Variants in CPQ observed in about 807,000 individuals in gnomAD.
The protein encoded by CPQ is carboxypeptidase Q, also known as Ser-Met dipeptidase.
CPQ carries 37 observed loss-of-function variants against 45.7 expected under a neutral mutation model. The observed-to-expected ratio is 0.81, with a 90% CI of 0.62 to 1.07. The LOEUF (loss-of-function observed/expected upper bound fraction) is 1.07, where lower values mean the gene tolerates loss of function less well. Among genes scored for constraint, CPQ ranks in the 50% least tolerant of loss-of-function variants. The probability of loss-of-function intolerance (pLI) is 0.00; values close to 1 mark genes in which losing one functional copy is unlikely to be tolerated. For missense variants in CPQ, 537 were observed against 572.9 expected (o/e 0.94, Z 0.64); for synonymous variants, 186 against 205.8 (o/e 0.90, Z 0.82).
At chr8:96,717,024 AATATATATATATATAT>A (rs58338307) in intron 1 of CPQ, among the ~76,000 whole-genome samples, 1,609 of 56,548 alleles carry the variant, frequency 0.028, 47 homozygotes, top group Non-Finnish European at 0.029. Context: ...CCATGATATA[AATATATATATATATAT>A]ATATATATAT....
intron 3 of CPQ, among the ~76,000 whole-genome samples, chr8:96,852,548 C>T (rs993199662): frequency 1.3e-5 from 2 of 152,196 alleles, no homozygotes; most frequent in African/African-American, 2.4e-5. Context: ...TCCCATCTCG[C>T]CCTCTTCCTT....
At position 96,785,186 on chromosome 8, in the gene CPQ, C is replaced by A; in HGVS notation, c.289C>A (p.Gln97Lys). The A allele has an allele frequency of 6.2e-7, 1 of 1,613,568 alleles. No individual in the cohort carries two copies. Among genetic ancestry groups the A allele is most frequent in the Non-Finnish European group, 8.5e-7 (1 of 1,179,776 alleles). ...AIQIMYQNLQ[Q>K]DGLEKVHLEP... ...CCAAATTATGTACCAAAACCTGCAGCAAGATGGGCTGGAGAAAGTTCACCT... is the reference window on the plus strand; with the variant it reads ...CCAAATTATGTACCAAAACCTGCAGAAAGATGGGCTGGAGAAAGTTCACCT... The change falls in exon 2 of 8, where the codon CAA (glutamine) becomes AAA (lysine). Residue 97 changes from glutamine (Q) to lysine (K), a missense_variant. Coordinates refer to ENST00000220763, the MANE Select transcript of CPQ (RefSeq NM_016134.4).
chr8:96,991,008 G>T (rs1046511550), intron 5 of CPQ, among the ~76,000 whole-genome samples: 1 of 152,266 alleles, frequency 6.6e-6, no homozygotes, highest in African/African-American at 2.4e-5. Flanking sequence ...AATCTACTCA[G>T]TCTTTTCCCA....
At chr8:96,737,329 C>T (rs954652713) in intron 1 of CPQ, among the ~76,000 whole-genome samples, 39 of 100,894 alleles carry the variant, frequency 3.9e-4, no homozygotes, top group Middle Eastern at 6.0e-3. Context: ...TATATATATA[C>T]ACACACTCAC....
At chr8:96,954,147 T>C (rs556766860) in intron 4 of CPQ, among the ~76,000 whole-genome samples, 9 of 152,196 alleles carry the variant, frequency 5.9e-5, no homozygotes, top group Non-Finnish European at 8.8e-5. Flanking sequence ...TATAGCCTAT[T>C]AAAATATACT....
intron 4 of CPQ, among the ~76,000 whole-genome samples, chr8:96,934,398 G>A (rs1366660843): frequency 3.9e-5 from 6 of 152,156 alleles, no homozygotes; most frequent in Non-Finnish European, 8.8e-5. Flanking sequence ...GGGCATTCCA[G>A]GCAGGGGCAT....
At chr8:96,667,592 G>A (rs1251407436) in intron 1 of CPQ, among the ~76,000 whole-genome samples, 1 of 151,828 alleles carries the variant, frequency 6.6e-6, no homozygotes, top group African/African-American at 2.4e-5. Context: ...CTCGTGATCT[G>A]CCCGCCTCGG....
intron 4 of CPQ, among the ~76,000 whole-genome samples, chr8:96,897,273 C>T (rs1425258791): frequency 6.6e-6 from 1 of 152,150 alleles, no homozygotes; most frequent in Non-Finnish European, 1.5e-5. Context: ...GGCTAGGGAC[C>T]TTCATTAGTT....
chr8:96,741,399 A>G (rs1458655738), intron 1 of CPQ, among the ~76,000 whole-genome samples: 1 of 151,828 alleles, frequency 6.6e-6, no homozygotes, highest in Non-Finnish European at 1.5e-5. Flanking sequence ...CGGTCTATCA[A>G]TTTTGTTGAT....
chr8:96,906,220 T>A (rs917775608), intron 4 of CPQ, among the ~76,000 whole-genome samples: 1 of 152,186 alleles, frequency 6.6e-6, no homozygotes, highest in Non-Finnish European at 1.5e-5. Context: ...CCTGTGTTCC[T>A]TGGAAATTAT....
In CPQ at chr8:96,797,645, G is replaced by A. The variant is rs572165791; in HGVS notation, c.433+12315G>A. 1.8e-4 allele frequency among the ~76,000 whole-genome samples: 27 copies of A among 152,214 alleles called. 1 individual carries two copies. The South Asian group carries it at 5.2e-3, about 29-fold the overall frequency. ...AGTTAAAGTAGGTTTGGCTGGGTGCGGTGGCTCACGCTTTTAATCTCAGTG... is the reference window on the plus strand; with the variant it reads ...AGTTAAAGTAGGTTTGGCTGGGTGCAGTGGCTCACGCTTTTAATCTCAGTG... On this transcript the variant is annotated intron_variant, in intron 2 of 7. Coordinates refer to ENST00000220763, the MANE Select transcript of CPQ (RefSeq NM_016134.4).
At chr8:97,058,147 G>C (rs1480350584) in intron 6 of CPQ, among the ~76,000 whole-genome samples, 1 of 152,094 alleles carries the variant, frequency 6.6e-6, no homozygotes, top group Non-Finnish European at 1.5e-5. Flanking sequence ...GTAGGCTAGA[G>C]AAAGAAAAAC....
At chr8:96,854,205 C>T (rs1811809554) in intron 3 of CPQ, among the ~76,000 whole-genome samples, 1 of 152,086 alleles carries the variant, frequency 6.6e-6, no homozygotes. Context: ...AACATTGAGT[C>T]ACCCAGAAAA....
chr8:97,002,175 G>T, intron 5 of CPQ, among the ~76,000 whole-genome samples: 1 of 151,822 alleles, frequency 6.6e-6, no homozygotes. Flanking sequence ...TGTTAGTCTA[G>T]CTAGCAATCT....
In CPQ at chr8:97,029,497, A is replaced by G. The variant is rs1362728103; in HGVS notation, c.1053+3A>G. ...TCCAGTATTATCAGTTACACAAGGT[A>G]AAAACCCAGCTGTGGATTGCTAAGC... On this transcript the variant is annotated splice_donor_region_variant and intron_variant, in intron 6 of 7. Coordinates refer to ENST00000220763, the MANE Select transcript of CPQ (RefSeq NM_016134.4). 1 of 1,599,656 alleles carries G rather than the reference A, an allele frequency of 6.3e-7. No homozygotes were observed. Among genetic ancestry groups the G allele is most frequent in the Non-Finnish European group, 8.5e-7 (1 of 1,171,742 alleles).
intron 1 of CPQ, among the ~76,000 whole-genome samples, chr8:96,699,889 G>T (rs1449856327): frequency 1.3e-5 from 2 of 151,812 alleles, no homozygotes; most frequent in South Asian, 4.2e-4. Flanking sequence ...ATTGATAAAA[G>T]AAGATGTGGG....
chr8:97,018,992 GTAAAC>G (rs2130451733), intron 5 of CPQ, among the ~76,000 whole-genome samples: 1 of 152,250 alleles, frequency 6.6e-6, no homozygotes, highest in East Asian at 1.9e-4. Flanking sequence ...AAAACACCAG[GTAAAC>G]TATAAAGGAA....
At chr8:97,018,044 T>C (rs973824540) in intron 5 of CPQ, among the ~76,000 whole-genome samples, 1 of 152,084 alleles carries the variant, frequency 6.6e-6, no homozygotes, top group Non-Finnish European at 1.5e-5. Context: ...GAGAGACCCA[T>C]AGACAGTTCA....
intron 6 of CPQ, among the ~76,000 whole-genome samples, chr8:97,048,142 T>C (rs1362907701): frequency 6.6e-6 from 1 of 152,210 alleles, no homozygotes; most frequent in Non-Finnish European, 1.5e-5. Flanking sequence ...TATGTCAGTA[T>C]TTTTTAACAC....
Sources: gnomAD v4.1 joint callset for allele counts (sites outside exome capture counted in the v4.1 genomes callset) on GRCh38, gnomAD v4.1.1 for gene constraint, MANE v1.5 for transcripts, NCBI Gene and HGNC (gene_info 2026-07-23, HGNC 2026-07-21) for gene names.